The following FGD3 variants were observed in gnomAD, a reference collection of about 807,000 sequenced individuals.
The protein encoded by FGD3 is FYVE, RhoGEF and PH domain-containing protein 3.
In FGD3, 45 loss-of-function variants were observed where a neutral mutation model predicts 71.8. That is an observed-to-expected ratio of 0.63 (90% CI 0.49 to 0.80). The LOEUF is 0.80. Ranked by LOEUF, FGD3 falls within the 30% of genes least tolerant of loss-of-function variation. The pLI, the probability that FGD3 is intolerant of heterozygous loss-of-function variation, is 0.00. For synonymous variants in FGD3, 378 were observed against 392.8 expected, an observed-to-expected ratio of 0.96 and a Z score of 0.44; for missense variants, 844 against 951.5, an observed-to-expected ratio of 0.89 and a Z score of 1.49.
chr9:93,004,062 C>T lies in FGD3; in HGVS notation c.605C>T (p.Ser202Phe). 1.9e-6 allele frequency: 3 copies of T among 1,614,202 alleles called. No homozygotes were observed. The highest frequency in any genetic ancestry group is 2.5e-6 in the Non-Finnish European group (3 of 1,180,034). Reference protein sequence around the residue: ...IPPEVIMGIFSNISSIHRFHG... With the variant: ...IPPEVIMGIFFNISSIHRFHG... Reference sequence around the variant, plus strand: ...CCAGAAGTCATCATGGGCATATTCTCTAACATCTCCTCCATCCACCGCTTC... The same window carrying T: ...CCAGAAGTCATCATGGGCATATTCTTTAACATCTCCTCCATCCACCGCTTC... Residue 202 changes from serine (S) to phenylalanine (F), a missense_variant, in exon 5 of 18, where the codon TCT (serine) becomes TTT (phenylalanine). Ser to Phe is a radical substitution (Grantham distance 155). Coordinates refer to ENST00000375482, the MANE Select transcript of FGD3 (RefSeq NM_001083536.2).
intron 1 of FGD3, among the ~76,000 whole-genome samples, chr9:92,961,187 A>T (rs1859161223): frequency 6.6e-6 from 1 of 152,154 alleles, no homozygotes; most frequent in African/African-American, 2.4e-5. Context: ...GGGACAAAGC[A>T]GGAGTCCTGG....
At position 93,006,175 on chromosome 9, in the gene FGD3, A is replaced by G. The variant is rs759071785; in HGVS notation, c.832A>G (p.Ile278Val). 4 of 1,578,074 alleles carry G rather than the reference A, an allele frequency of 2.5e-6. No homozygotes were observed. In the South Asian group the frequency reaches 4.6e-5, roughly 18 times the overall value. ...SPLFKDVVHSIQKQEVCGNLT... is the reference protein window; with the variant it reads ...SPLFKDVVHSVQKQEVCGNLT... ...ACTGTTTAAAGACGTCGTCCACAGC[A>G]TCCAGGTAAGGCCGGCAGTGGGAGT... is the stretch of plus-strand genomic sequence containing the variant. Residue 278 changes from isoleucine (I) to valine (V), a missense_variant, in exon 6 of 18, where the codon ATC (isoleucine) becomes GTC (valine). By Grantham distance (29) the Ile-to-Val change is conservative. Transcript: ENST00000375482.
At chr9:93,007,905 CA>C (rs1347346321) in intron 6 of FGD3, among the ~76,000 whole-genome samples, 3 of 152,154 alleles carry the variant, frequency 2.0e-5, no homozygotes, top group South Asian at 2.1e-4. Flanking sequence ...TGGCCCACCG[CA>C]GAGAATTCTC....
chr9:93,004,999 T>C (rs1860998868), intron 5 of FGD3, among the ~76,000 whole-genome samples: 1 of 152,216 alleles, frequency 6.6e-6, no homozygotes, highest in Admixed American at 6.5e-5. Flanking sequence ...CAAAAATCCA[T>C]GCTTGGTAGA....
intron 10 of FGD3, among the ~76,000 whole-genome samples, 195 bp downstream of exon 10, chr9:93,016,024 T>A (rs191606028): frequency 6.6e-6 from 1 of 152,272 alleles, no homozygotes; most frequent in Admixed American, 6.5e-5. Flanking sequence ...AGGGCAGGAT[T>A]CCACCCTTCT....
Position 93,013,968 on chromosome 9 carries a change from C to A in FGD3, c.1152C>A (p.Asn384Lys). 1.2e-6 allele frequency: 2 copies of A among 1,611,112 alleles called. No homozygotes were observed. The highest frequency in any genetic ancestry group is 1.7e-6 in the Non-Finnish European group (2 of 1,178,900). The change falls in exon 9 of 18, where the codon AAC becomes AAA. Residue 384 changes from asparagine to lysine, a missense_variant. Asn to Lys is a moderately conservative substitution (Grantham distance 94). Transcript: ENST00000375482. Reference sequence around the variant, plus strand: ...AAATCCAGAAACTGTCAGCCAAGAACGGCACCCCCCAGGACCGCCACCTCT... The same window carrying A: ...AAATCCAGAAACTGTCAGCCAAGAAAGGCACCCCCCAGGACCGCCACCTCT... ...EGQIQKLSAKNGTPQDRHLFL... is the reference protein window; with the variant it reads ...EGQIQKLSAKKGTPQDRHLFL...
At chr9:92,966,047 A>T (rs561275039) in intron 1 of FGD3, among the ~76,000 whole-genome samples, 1 of 152,338 alleles carries the variant, frequency 6.6e-6, no homozygotes, top group East Asian at 1.9e-4. Flanking sequence ...GACGACCGTC[A>T]GCTGTCGGGG....
At chr9:92,965,577 T>C (rs1859292288) in intron 1 of FGD3, among the ~76,000 whole-genome samples, 1 of 152,166 alleles carries the variant, frequency 6.6e-6, no homozygotes, top group Non-Finnish European at 1.5e-5. Context: ...ACCAGCACCA[T>C]GCAGTGTGCA....
At position 93,022,366 on chromosome 9, in the gene FGD3, G is replaced by A. The variant is rs781175456; in HGVS notation, c.1534G>A (p.Glu512Lys). 18 of 1,612,552 alleles carry A rather than the reference G, an allele frequency of 1.1e-5. No individual in the cohort carries two copies. Among genetic ancestry groups the A allele is most frequent in the South Asian group, 8.8e-5 (8 of 91,070 alleles). ...CCCTGTGGAGCCTGTGGTGACCACC[G>A]AAGGCAGTTCGGGTGCAGCAGGGGT... ...TSPVEPVVTT[E>K]GSSGAAGLEP... Residue 512 changes from glutamate to lysine, a missense_variant, in exon 14 of 18, where the codon GAA (glutamate) becomes AAA (lysine). Coordinates refer to ENST00000375482, the MANE Select transcript of FGD3 (RefSeq NM_001083536.2).
chr9:93,022,316 G>A lies in FGD3; in HGVS notation c.1495-11G>A. On this transcript the variant is annotated splice_polypyrimidine_tract_variant and intron_variant, in intron 13 of 17. Transcript: ENST00000375482. ...GAATCTCCTCTCACTCGGCCTCTGT[G>A]TCCCTTCTAGATCACGAGCACCAGC... The A allele has an allele frequency of 6.2e-7, 1 of 1,610,066 alleles. No homozygotes were observed. Among genetic ancestry groups the A allele is most frequent in the Non-Finnish European group, 8.5e-7 (1 of 1,177,868 alleles).
chr9:92,978,241 C>T (rs957963399), intron 3 of FGD3, among the ~76,000 whole-genome samples: 1 of 147,606 alleles, frequency 6.8e-6, no homozygotes, highest in Non-Finnish European at 1.5e-5. Context: ...GATATCACAC[C>T]ATTGCACTCC....
At chr9:92,967,321 A>G (rs2118537189) in intron 1 of FGD3, among the ~76,000 whole-genome samples, 1 of 152,230 alleles carries the variant, frequency 6.6e-6, no homozygotes, top group South Asian at 2.1e-4. Flanking sequence ...ATTGCTGTGC[A>G]ACCATCACTG....
rs564479378 is a variant in FGD3, at chr9:92,976,520, G to C, written c.264G>C (p.Glu88Asp). 6.2e-7 allele frequency: 1 copy of C among 1,612,562 alleles called. No individual in the cohort carries two copies. The highest frequency in any genetic ancestry group is 2.2e-5 in the East Asian group (1 of 44,872). The change falls in exon 3 of 18, where the codon GAG becomes GAC. Residue 88 changes from glutamate to aspartate, a missense_variant. By Grantham distance (45) the Glu-to-Asp change is conservative. Coordinates refer to ENST00000375482, the MANE Select transcript of FGD3 (RefSeq NM_001083536.2). ...GTCCCTCCTCCAGTGTGGCTGGAGA[G>C]AACTTTCCCTGCGAGGAGGGCTTGG... ...IDSPSSSVAG[E>D]NFPCEEGLEA... is the part of the protein sequence containing the mutation.
chr9:93,017,253 C>T (rs1183394415), intron 10 of FGD3, among the ~76,000 whole-genome samples: 1 of 152,040 alleles, frequency 6.6e-6, no homozygotes, highest in African/African-American at 2.4e-5. Context: ...GCTTGGCTGA[C>T]AGGACAAGAC....
intron 3 of FGD3, among the ~76,000 whole-genome samples, chr9:92,995,184 C>G (rs1860584419): frequency 6.6e-6 from 1 of 152,076 alleles, no homozygotes; most frequent in African/African-American, 2.4e-5. Flanking sequence ...TGAAGAGGTC[C>G]TTCACATCCC....
In FGD3 at chr9:92,989,659, T is replaced by TGTTGCAA. The variant is rs535542621; in HGVS notation, c.453+12952_453+12958dup. Among the ~76,000 whole-genome samples the TGTTGCAA allele has an allele frequency of 2.1e-4, 32 of 152,306 alleles. 1 individual carries two copies. Among genetic ancestry groups the TGTTGCAA allele is most frequent in the Admixed American group, 1.1e-3 (17 of 15,290 alleles). Reference sequence around the variant, plus strand: ...GAAAGGGAAGGTATGTTAATCCACATGTTGCAAGAGAAAAGGAGCCGGTAG... The same window carrying TGTTGCAA: ...GAAAGGGAAGGTATGTTAATCCACATGTTGCAAGTTGCAAGAGAAAAGGAGCCGGTAG... On this transcript the variant is annotated intron_variant, in intron 3 of 17. Transcript: ENST00000375482.
intron 3 of FGD3, among the ~76,000 whole-genome samples, chr9:92,989,114 A>C (rs779773365): frequency 1.3e-5 from 2 of 152,066 alleles, no homozygotes; most frequent in Admixed American, 6.6e-5. Context: ...GCAATGGCGC[A>C]GTCTAGGCTC....
chr9:92,990,022 T>C (rs955742161), intron 3 of FGD3, among the ~76,000 whole-genome samples: 2 of 152,134 alleles, frequency 1.3e-5, no homozygotes, highest in Non-Finnish European at 2.9e-5. Context: ...TTTCAGCTAG[T>C]TTGTTGTTTG....
chr9:92,980,184 C>A (rs1859935515), intron 3 of FGD3, among the ~76,000 whole-genome samples: 1 of 152,106 alleles, frequency 6.6e-6, no homozygotes, highest in African/African-American at 2.4e-5. Flanking sequence ...CCACGCCCAG[C>A]TAATTTTTGT....
Sources: gnomAD v4.1 joint callset for allele counts (sites outside exome capture counted in the v4.1 genomes callset) on GRCh38, gnomAD v4.1.1 for gene constraint, MANE v1.5 for transcripts, NCBI Gene and HGNC (gene_info 2026-07-23, HGNC 2026-07-21) for gene names.